The following OR2L3 variants were observed in gnomAD, a reference collection of about 807,000 sequenced individuals.
OR2L3 encodes the protein olfactory receptor family 2 subfamily L member 3, also known as olfactory receptor 2L3.
For synonymous variants in OR2L3, 131 were observed against 139.1 expected (o/e 0.94, Z 0.41); for missense variants, 369 against 376.6 (o/e 0.98, Z 0.17).
At chr1:248,060,158 T>G (rs567896359) in intron 1 of OR2L3, among the ~76,000 whole-genome samples, 27 of 152,326 alleles carry the variant, frequency 1.8e-4, no homozygotes, top group African/African-American at 5.5e-4. Context: ...GCATATGTAT[T>G]CAATATAACA....
Position 248,061,610 on chromosome 1 carries a change from G to A in OR2L3, c.929G>A (p.Gly310Glu), listed in dbSNP as rs754210959. The change falls in exon 2 of 2, where the codon GGG (glycine) becomes GAG (glutamate). Residue 310 changes from glycine to glutamate, a missense_variant. Physicochemically the swap from Gly to Glu is moderately conservative, Grantham distance 98 (BLOSUM62 -2). Coordinates refer to ENST00000359959, the MANE Select transcript of OR2L3 (RefSeq NM_001004687.2). ...LTRVSQRICSGKM is the reference protein window; with the variant it reads ...LTRVSQRICSEKM ...CGAGTGAGTCAGAGAATCTGCTCTGGGAAAATGTAGAAACATTTTCTACCT... is the reference window on the plus strand; with the variant it reads ...CGAGTGAGTCAGAGAATCTGCTCTGAGAAAATGTAGAAACATTTTCTACCT... The A allele has an allele frequency of 1.9e-6, 3 of 1,610,460 alleles. No homozygotes were observed. In the African/African-American group the frequency reaches 4.0e-5, roughly 22 times the overall value.
At chr1:248,048,574 A>C (rs1476480772) in intron 1 of OR2L3, among the ~76,000 whole-genome samples, 2 of 152,136 alleles carry the variant, frequency 1.3e-5, no homozygotes, top group African/African-American at 2.4e-5. Flanking sequence ...TACTGTAGAC[A>C]TGCAGATTCA....
At chr1:248,052,544 T>C (rs951560446) in intron 1 of OR2L3, among the ~76,000 whole-genome samples, 1 of 151,988 alleles carries the variant, frequency 6.6e-6, no homozygotes, top group African/African-American at 2.4e-5. Flanking sequence ...CTGGCTAACA[T>C]GGTGAAACCC....
At chr1:248,050,829 A>G (rs4112928) in intron 1 of OR2L3, among the ~76,000 whole-genome samples, 13,333 of 152,186 alleles carry the variant, frequency 0.088, 1,956 homozygotes, top group African/African-American at 0.3. Flanking sequence ...TCCAAATGAC[A>G]TTTATGAAAA....
intron 1 of OR2L3, chr1:248,051,322 T>G (rs1195819260): frequency 2.0e-5 from 3 of 152,230 alleles, no homozygotes; most frequent in Non-Finnish European, 4.4e-5. Context: ...TCATCCATGT[T>G]GTAGCATGTG....
Position 248,061,037 on chromosome 1 carries a change from A to G in OR2L3, c.356A>G (p.Tyr119Cys). The G allele has an allele frequency of 1.2e-6, 2 of 1,614,108 alleles. No individual in the cohort carries two copies. Among genetic ancestry groups the G allele is most frequent in the Non-Finnish European group, 1.7e-6 (2 of 1,180,022 alleles). The change falls in exon 2 of 2, where the codon TAT becomes TGT. Residue 119 changes from tyrosine (Y) to cysteine (C), a missense_variant. By Grantham distance (194) the Tyr-to-Cys change is radical. Transcript: ENST00000359959. Reference protein sequence around the residue: ...AEALLLASMAYDRYIAICFPL... With the variant: ...AEALLLASMACDRYIAICFPL... ...GCACTACTTTTGGCATCTATGGCCT[A>G]TGATCGTTACATTGCTATTTGCTTT...
chr1:248,054,097 C>T (rs1326019027), intron 1 of OR2L3, among the ~76,000 whole-genome samples: 1 of 152,132 alleles, frequency 6.6e-6, no homozygotes. Context: ...TTGGGTTTTA[C>T]ATTTCAGTCT....
intron 1 of OR2L3, among the ~76,000 whole-genome samples, chr1:248,050,004 G>A (rs1316684995): frequency 1.3e-5 from 2 of 152,034 alleles, no homozygotes; most frequent in African/African-American, 4.8e-5. Context: ...AAATATCAGT[G>A]GCGATACCTA....
intron 1 of OR2L3, among the ~76,000 whole-genome samples, chr1:248,048,149 T>G (rs1487588114): frequency 1.3e-5 from 2 of 152,178 alleles, no homozygotes; most frequent in African/African-American, 2.4e-5. Context: ...TCTGCCCACT[T>G]ACCTGTGTAT....
chr1:248,056,485 C>T (rs766299133), intron 1 of OR2L3, among the ~76,000 whole-genome samples: 1 of 152,044 alleles, frequency 6.6e-6, no homozygotes, highest in Non-Finnish European at 1.5e-5. Context: ...TTGCTTTGTG[C>T]ATTTAGTGCA....
At chr1:248,051,094 T>C (rs559255198) in intron 1 of OR2L3, 1 of 152,226 alleles carries the variant, frequency 6.6e-6, no homozygotes, top group South Asian at 2.1e-4. Context: ...ATCACTACCA[T>C]GCACCTGTCT....
In OR2L3 at chr1:248,061,324, T is replaced by C. The variant is rs1169494385; in HGVS notation, c.643T>C (p.Cys215Arg). 15 of 1,613,854 alleles carry C rather than the reference T, an allele frequency of 9.3e-6. No individual in the cohort carries two copies. The highest frequency in any genetic ancestry group is 1.2e-5 in the Non-Finnish European group (14 of 1,179,998). The change falls in exon 2 of 2, where the codon TGT becomes CGT. Residue 215 changes from cysteine (C) to arginine (R), a missense_variant. By Grantham distance (180) the Cys-to-Arg change is radical (BLOSUM62 -3). Transcript: ENST00000359959. The stretch of plus-strand genomic sequence containing the variant: ...CGTGTTTCCCTTCATTGCTATTTCA[T>C]GTTCCTATGGCCGGGTTCTCCTTGC... Reference protein sequence around the residue: ...FLVFPFIAISCSYGRVLLAVY... With the variant: ...FLVFPFIAISRSYGRVLLAVY...
chr1:248,049,673 A>C (rs1395390486), intron 1 of OR2L3, among the ~76,000 whole-genome samples: 1 of 152,202 alleles, frequency 6.6e-6, no homozygotes, highest in Non-Finnish European at 1.5e-5. Context: ...AAAAAATCCT[A>C]CTTGTTTTAC....
rs199746930 is a variant in OR2L3, at chr1:248,061,630, C to T, written c.*10C>T. 35 of 1,605,688 alleles carry T rather than the reference C, an allele frequency of 2.2e-5. No individual in the cohort carries two copies. Among genetic ancestry groups the T allele is most frequent in the African/African-American group, 2.7e-5 (2 of 74,668 alleles). On this transcript the variant is annotated 3_prime_UTR_variant, in exon 2 of 2. Transcript: ENST00000359959. ...CTCTGGGAAAATGTAGAAACATTTT[C>T]TACCTAAGGTCTCAGGACTCAGATA...
In OR2L3 at chr1:248,062,041, AG is replaced by A. The variant is rs1261788771; in HGVS notation, c.*422del. The A allele has an allele frequency of 6.2e-6, 1 of 161,250 alleles. No homozygotes were observed. Among genetic ancestry groups the A allele is most frequent in the Non-Finnish European group, 1.4e-5 (1 of 73,292 alleles). The allele number at this position is 161,250 out of a possible 1,614,324, so 10.0% of individuals were successfully genotyped here. A position where few individuals can be genotyped will look rare whatever the true frequency, so the allele number is the denominator to read the frequency against. On this transcript the variant is annotated 3_prime_UTR_variant, in exon 2 of 2. Transcript: ENST00000359959. ...ATAAGTCTCTTGACTTGGTGTATCTAGTTGAAAGCTGTAAGATGTTTTGTCT... is the reference window on the plus strand; with the variant it reads ...ATAAGTCTCTTGACTTGGTGTATCTATTGAAAGCTGTAAGATGTTTTGTCT...
rs753448209 is a variant in OR2L3 at position 248,060,917 on chromosome 1, A to G, written c.236A>G (p.Lys79Arg). 6.2e-7 allele frequency: 1 copy of G among 1,613,930 alleles called. No homozygotes were observed. Among genetic ancestry groups the G allele is most frequent in the South Asian group, 1.1e-5 (1 of 91,070 alleles). Residue 79 changes from lysine to arginine, a missense_variant, in exon 2 of 2, where the codon AAG becomes AGG. Transcript: ENST00000359959. ...AATTACATCTCCACCATTGTTCCTA[A>G]GATGGCATCTGATTTTCTGTCTGGT... ...DLNYISTIVPKMASDFLSGNK... is the reference protein window; with the variant it reads ...DLNYISTIVPRMASDFLSGNK...
intron 1 of OR2L3, among the ~76,000 whole-genome samples, chr1:248,048,828 G>A (rs979255771): frequency 6.6e-6 from 1 of 151,822 alleles, no homozygotes; most frequent in African/African-American, 2.4e-5. Flanking sequence ...GGATTTGGGA[G>A]ACTTTTAAAA....
intron 1 of OR2L3, among the ~76,000 whole-genome samples, chr1:248,059,553 T>C (rs1663556349): frequency 6.6e-6 from 1 of 152,180 alleles, no homozygotes; most frequent in Middle Eastern, 3.2e-3. Flanking sequence ...TGATGATGAA[T>C]ATTGAAAATC....
intron 1 of OR2L3, among the ~76,000 whole-genome samples, chr1:248,058,241 A>C (rs182738396): frequency 2.6e-5 from 4 of 152,328 alleles, no homozygotes; most frequent in Admixed American, 2.6e-4. Flanking sequence ...ACTTCAAATT[A>C]TCTTTTCAGT....
Sources: gnomAD v4.1 joint callset for allele counts (sites outside exome capture counted in the v4.1 genomes callset) on GRCh38, gnomAD v4.1.1 for gene constraint, MANE v1.5 for transcripts, NCBI Gene and HGNC (gene_info 2026-07-23, HGNC 2026-07-21) for gene names.